HCRTR2: variants seen among roughly 807,000 people sequenced by gnomAD.
The protein encoded by HCRTR2 is orexin receptor type 2.
In HCRTR2, 22 loss-of-function variants were observed where a neutral mutation model predicts 49.0. The ratio of observed to expected loss-of-function variants is 0.45; its 90% confidence interval spans 0.32 to 0.64. The LOEUF (loss-of-function observed/expected upper bound fraction) is 0.64, where lower values mean the gene tolerates loss of function less well. Ranked by LOEUF, HCRTR2 falls within the 30% of genes least tolerant of loss-of-function variation. The pLI, the probability that HCRTR2 is intolerant of heterozygous loss-of-function variation, is 0.04. For missense variants in HCRTR2, 491 were observed against 559.4 expected, an observed-to-expected ratio of 0.88 and a Z score of 1.23; for synonymous variants, 236 against 205.3, an observed-to-expected ratio of 1.15 and a Z score of -1.28.
chr6:55,128,588 C>A (rs1252530784), intron 1 of HCRTR2, among the ~76,000 whole-genome samples: 2 of 152,234 alleles, frequency 1.3e-5, no homozygotes, highest in East Asian at 1.9e-4. Flanking sequence ...TAGGTCATTT[C>A]TGATTTATCT....
At chr6:55,259,079 A>G (rs1766706545) in intron 3 of HCRTR2, among the ~76,000 whole-genome samples, 1 of 152,124 alleles carries the variant, frequency 6.6e-6, no homozygotes, top group Admixed American at 6.6e-5. Flanking sequence ...CTCTTTTTGT[A>G]CACTCAATCA....
intron 1 of HCRTR2, among the ~76,000 whole-genome samples, chr6:55,225,169 T>A (rs1005906220): frequency 6.6e-6 from 1 of 152,168 alleles, no homozygotes; most frequent in Non-Finnish European, 1.5e-5. Flanking sequence ...TTAATGTAGA[T>A]AAATGAAAGA....
intron 1 of HCRTR2, among the ~76,000 whole-genome samples, chr6:55,129,266 C>T (rs958295073): frequency 6.6e-6 from 1 of 152,052 alleles, no homozygotes; most frequent in Non-Finnish European, 1.5e-5. Flanking sequence ...AATCATATCC[C>T]CTTGTGTTTT....
chr6:55,225,392 C>T (rs1262706357), intron 1 of HCRTR2, among the ~76,000 whole-genome samples: 1 of 151,892 alleles, frequency 6.6e-6, no homozygotes, highest in East Asian at 1.9e-4. Flanking sequence ...TTGTCCTCAT[C>T]CTTCTATGAG....
chr6:55,200,266 TGTGTGTGTGTG>T (rs1765489680), intron 1 of HCRTR2, among the ~76,000 whole-genome samples: 2 of 151,240 alleles, frequency 1.3e-5, no homozygotes, highest in African/African-American at 4.9e-5. Context: ...TGTGTGTGTG[TGTGTGTGTGTG>T]TTTTTGAAAC....
At chr6:55,176,279 T>G (rs917940367) in intron 1 of HCRTR2, among the ~76,000 whole-genome samples, 1 of 152,230 alleles carries the variant, frequency 6.6e-6, no homozygotes, top group Non-Finnish European at 1.5e-5. Context: ...ATTTTTAGAC[T>G]GTTTTCCTTT....
chr6:55,257,093 G>C (rs1016644568), intron 3 of HCRTR2, among the ~76,000 whole-genome samples: 17 of 152,050 alleles, frequency 1.1e-4, no homozygotes, highest in African/African-American at 4.1e-4. Context: ...CCACATCATG[G>C]ATACTACATT....
intron 1 of HCRTR2, among the ~76,000 whole-genome samples, chr6:55,159,045 A>G (rs1356257104): frequency 6.6e-6 from 1 of 152,176 alleles, no homozygotes; most frequent in East Asian, 1.9e-4. Context: ...CAGACACCTC[A>G]TACAGGAGAG....
In HCRTR2 at chr6:55,119,622, GTT is replaced by G. The variant is rs149004546; in HGVS notation, c.-378+13089_-378+13090del. Among the ~76,000 whole-genome samples the G allele has an allele frequency of 4.1e-3, 578 of 140,238 alleles. 6 individuals are homozygous for G. The highest frequency in any genetic ancestry group is 0.014 in the African/African-American group (494 of 36,512). The allele number at this position is 140,238 out of a possible 152,430, so 92.0% of individuals were successfully genotyped here. A position where few individuals can be genotyped will look rare whatever the true frequency, so the allele number is the denominator to read the frequency against. On this transcript the variant is annotated intron_variant, in intron 1 of 7. Transcript: ENST00000615358. ...CTCATATCCTTTGTTCATTTTTGAT[GTT>G]TTTTTTTTTTTGTAAATTTAATTTC...
Position 55,174,678 on chromosome 6 carries a change from C to T in HCRTR2, c.91C>T (p.Pro31Ser), listed in dbSNP as rs199644346. 99 of 1,613,898 alleles carry T rather than the reference C, an allele frequency of 6.1e-5. No homozygotes were observed. The highest frequency in any genetic ancestry group is 7.9e-5 in the Non-Finnish European group (93 of 1,180,006). The part of the protein sequence containing the change: ...LNETQEPFLN[P>S]TDYDDEEFLR... Reference sequence around the variant, plus strand: ...TGAAACTCAAGAGCCCTTTTTAAACCCCACCGACTATGACGACGAGGAATT... The same window carrying T: ...TGAAACTCAAGAGCCCTTTTTAAACTCCACCGACTATGACGACGAGGAATT... The change falls in exon 1 of 7, where the codon CCC becomes TCC. Residue 31 changes from proline to serine, a missense_variant. By Grantham distance (74) the Pro-to-Ser change is moderately conservative. Transcript: ENST00000370862.
At chr6:55,267,327 T>C (rs964290924) in intron 4 of HCRTR2, among the ~76,000 whole-genome samples, 1 of 152,108 alleles carries the variant, frequency 6.6e-6, no homozygotes, top group African/African-American at 2.4e-5. Flanking sequence ...CTTGTCTGAC[T>C]TTCTCAAGAA....
At chr6:55,259,045 C>T (rs1766706113) in intron 3 of HCRTR2, among the ~76,000 whole-genome samples, 1 of 152,034 alleles carries the variant, frequency 6.6e-6, no homozygotes, top group East Asian at 1.9e-4. Context: ...AGCAAGACAC[C>T]ATCTTCAAAA....
intron 1 of HCRTR2, among the ~76,000 whole-genome samples, chr6:55,115,820 A>T (rs1218356874): frequency 6.9e-6 from 1 of 144,634 alleles, no homozygotes; most frequent in African/African-American, 2.6e-5. Context: ...ATATTCATTC[A>T]AACTATTACT....
chr6:55,212,252 C>G (rs1351804457), intron 1 of HCRTR2, among the ~76,000 whole-genome samples: 1 of 148,540 alleles, frequency 6.7e-6, no homozygotes, highest in Non-Finnish European at 1.5e-5. Context: ...TTTGACTACT[C>G]AAGACCATAC....
intron 1 of HCRTR2, among the ~76,000 whole-genome samples, chr6:55,118,037 A>C (rs1016711616): frequency 1.3e-5 from 2 of 151,482 alleles, no homozygotes; most frequent in Non-Finnish European, 3.0e-5. Flanking sequence ...ATTTTTCCTG[A>C]TCCTGTCCCT....
intron 1 of HCRTR2, among the ~76,000 whole-genome samples, chr6:55,110,442 T>G (rs938412957): frequency 6.6e-6 from 1 of 151,988 alleles, no homozygotes; most frequent in South Asian, 2.1e-4. Flanking sequence ...GGAGAATGGA[T>G]AAAAATTCAC....
intron 1 of HCRTR2, among the ~76,000 whole-genome samples, chr6:55,138,569 A>AT (rs1764462800): frequency 6.6e-6 from 1 of 152,138 alleles, no homozygotes; most frequent in Non-Finnish European, 1.5e-5. Flanking sequence ...TTAAAACTGT[A>AT]TTTTTTGTTA....
At chr6:55,169,856 C>T (rs1265187441), upstream of HCRTR2, among the ~76,000 whole-genome samples, 1 of 152,060 alleles carries the variant, frequency 6.6e-6, no homozygotes, top group Non-Finnish European at 1.5e-5. Flanking sequence ...TGAGGCTAGA[C>T]TAGTCTTATT....
chr6:55,282,596 T>TA lies in HCRTR2; in HGVS notation c.*151dup, dbSNP rs979702175. On this transcript the variant is annotated 3_prime_UTR_variant, in exon 7 of 7. Coordinates refer to ENST00000370862, the MANE Select transcript of HCRTR2 (RefSeq NM_001384272.1). ...TTTTTAATCTATTGCTCTTTGGAAATAAAAAAAAAGTCAGTTTAAAATGAT... is the reference window on the plus strand; with the variant it reads ...TTTTTAATCTATTGCTCTTTGGAAATAAAAAAAAAAGTCAGTTTAAAATGAT... 1.2e-3 allele frequency: 721 copies of TA among 595,502 alleles called. 3 individuals are homozygous for TA. The highest frequency in any genetic ancestry group is 8.9e-3 in the African/African-American group (471 of 52,934). 36.9% of individuals were successfully genotyped at this position (595,502 alleles called of 1,614,324 possible).
Sources: gnomAD v4.1 joint callset for allele counts (sites outside exome capture counted in the v4.1 genomes callset) on GRCh38, gnomAD v4.1.1 for gene constraint, MANE v1.5 for transcripts, NCBI Gene and HGNC (gene_info 2026-07-23, HGNC 2026-07-21) for gene names.